The following LIMK2 variants were observed in gnomAD, a reference collection of about 807,000 sequenced individuals.
LIMK2 encodes the protein LIM domain kinase 2.
A neutral mutation model predicts 75.7 loss-of-function variants in LIMK2; 35 were observed. That is an observed-to-expected ratio of 0.46 (90% CI 0.35 to 0.61). The LOEUF (loss-of-function observed/expected upper bound fraction) is 0.61, where lower values mean the gene tolerates loss of function less well. Among genes scored for constraint, LIMK2 ranks in the 20% least tolerant of loss-of-function variants. The pLI, the probability that LIMK2 is intolerant of heterozygous loss-of-function variation, is 0.00. For missense variants in LIMK2, 623 were observed against 831.0 expected (o/e 0.75, Z 3.08); for synonymous variants, 301 against 319.2 (o/e 0.94, Z 0.61).
At chr22:31,278,238 C>T in intron 15 of LIMK2, 59 bp from the exon 16 acceptor site, 4 of 1,490,446 alleles carry the variant, frequency 2.7e-6, no homozygotes, top group South Asian at 1.2e-5. Context: ...ATCCCTTCCA[C>T]CCACCCCATG....
rs145305296 is a variant in LIMK2, at chr22:31,225,519, C to A, written c.17-201C>A. ...AGACTACTTTTGAGGCCATGAGTTCCTTGTCCCTGGAGAGATGAGCAGAGG... is the reference window on the plus strand; with the variant it reads ...AGACTACTTTTGAGGCCATGAGTTCATTGTCCCTGGAGAGATGAGCAGAGG... On this transcript the variant is annotated intron_variant, in intron 1 of 15. Transcript: ENST00000331728. Among the ~76,000 whole-genome samples the A allele has an allele frequency of 1.3e-3, 200 of 152,360 alleles. 1 individual carries two copies. The highest frequency in any genetic ancestry group is 0.012 in the South Asian group (58 of 4,828).
rs545620604 is a variant in LIMK2 at position 31,265,424 on chromosome 22, G to T, written c.855-522G>T. 7.8e-4 allele frequency among the ~76,000 whole-genome samples: 119 copies of T among 151,870 alleles called. 2 individuals are homozygous for T. Among genetic ancestry groups the T allele is most frequent in the Non-Finnish European group, 2.6e-4 (18 of 67,992 alleles). ...CTGGTGGCACATGCCTGTAGTCCCA[G>T]TTACTCAGGAGGCGGAGGCATGAGA... On this transcript the variant is annotated intron_variant, in intron 7 of 15. Transcript: ENST00000331728.
At chr22:31,265,605 AC>A (rs1450963469) in intron 7 of LIMK2, among the ~76,000 whole-genome samples, 1 of 152,174 alleles carries the variant, frequency 6.6e-6, no homozygotes, top group African/African-American at 2.4e-5. Context: ...ACCAGTTAGT[AC>A]TTAAATCAAG....
intron 1 of LIMK2, among the ~76,000 whole-genome samples, chr22:31,217,844 C>G (rs1026715852): frequency 2.0e-5 from 3 of 152,158 alleles, no homozygotes; most frequent in African/African-American, 7.2e-5. Flanking sequence ...TTTGCCTTGC[C>G]TGTAGCACCT....
At chr22:31,240,517 G>A (rs556155057) in intron 2 of LIMK2, among the ~76,000 whole-genome samples, 2 of 151,014 alleles carry the variant, frequency 1.3e-5, no homozygotes, top group East Asian at 2.0e-4. Context: ...TCCACCTTCC[G>A]GGTTCAAGTG....
chr22:31,257,040 A>ATTTTTTTTTTTT lies in LIMK2; in HGVS notation c.117-1228_117-1217dup, dbSNP rs529919320. 4.9e-4 allele frequency among the ~76,000 whole-genome samples: 37 copies of ATTTTTTTTTTTT among 75,072 alleles called. 1 individual carries two copies. The highest frequency in any genetic ancestry group is 8.8e-3 in the Middle Eastern group (1 of 114). 49.3% of individuals were successfully genotyped at this position (75,072 alleles called of 152,430 possible). The stretch of plus-strand genomic sequence containing the variant: ...TCATTAGGGGAGAAGGGAGCTATAG[A>ATTTTTTTTTTTT]TTTTTTTTTTTTTTTTTTTTTTTTT... On this transcript the variant is annotated intron_variant, in intron 2 of 15. Coordinates refer to ENST00000331728, the MANE Select transcript of LIMK2 (RefSeq NM_005569.4).
chr22:31,278,258 A>T (rs752797125), intron 15 of LIMK2, 39 bp from the exon 16 acceptor site: 1 of 1,581,378 alleles, frequency 6.3e-7, no homozygotes, highest in Non-Finnish European at 8.6e-7. Context: ...GGCCCTGCTC[A>T]TGTTCCACCT....
chr22:31,244,469 C>T (rs2048649081), intron 2 of LIMK2, among the ~76,000 whole-genome samples: 1 of 152,112 alleles, frequency 6.6e-6, no homozygotes, highest in African/African-American at 2.4e-5. Context: ...CTGGGCAGCC[C>T]TTTCAGTATC....
rs2048703417 is a variant in LIMK2, at chr22:31,249,437, C to T, written c.117-8854C>T. Reference sequence around the variant, plus strand: ...CTCCTCAGTCCCTAGGCCTAAGTACCTCCACGAGCCTCTCTCTGTGGGGCT... The same window carrying T: ...CTCCTCAGTCCCTAGGCCTAAGTACTTCCACGAGCCTCTCTCTGTGGGGCT... On this transcript the variant is annotated intron_variant, in intron 2 of 15. Transcript: ENST00000331728. Among the ~76,000 whole-genome samples, 4 of 152,116 alleles carry T rather than the reference C, an allele frequency of 2.6e-5. No individual in the cohort carries two copies. In the South Asian group the frequency reaches 6.2e-4, roughly 24 times the overall value.
chr22:31,237,611 C>G (rs2048590541), intron 2 of LIMK2, among the ~76,000 whole-genome samples: 1 of 151,278 alleles, frequency 6.6e-6, no homozygotes, highest in Non-Finnish European at 1.5e-5. Context: ...CTCCTTACAA[C>G]CTACCCTCAC....
At chr22:31,240,078 C>T (rs739428) in intron 2 of LIMK2, among the ~76,000 whole-genome samples, 35,000 of 152,022 alleles carry the variant, frequency 0.23, 6,162 homozygotes, top group African/African-American at 0.49. Context: ...TTCATTTTTC[C>T]CCCAAAAGCT....
chr22:31,255,162 T>C (rs1460100846), intron 2 of LIMK2, among the ~76,000 whole-genome samples: 1 of 152,130 alleles, frequency 6.6e-6, no homozygotes, highest in Non-Finnish European at 1.5e-5. Context: ...TTGTTTGTCC[T>C]CTTGTTTCAC....
At position 31,279,032 on chromosome 22, in the gene LIMK2, T is replaced by TA. The variant is rs1208423903; in HGVS notation, c.*592dup. ...ATATGTGGTGGAACAGGCCAGGAGTTAGAGAAAGGGCTGGCTTCTGTTTAC... is the reference window on the plus strand; with the variant it reads ...ATATGTGGTGGAACAGGCCAGGAGTTAAGAGAAAGGGCTGGCTTCTGTTTAC... On this transcript the variant is annotated 3_prime_UTR_variant, in exon 16 of 16. Transcript: ENST00000331728. The TA allele has an allele frequency of 6.6e-6, 1 of 152,162 alleles. No individual in the cohort carries two copies. Among genetic ancestry groups the TA allele is most frequent in the Non-Finnish European group, 1.5e-5 (1 of 68,034 alleles). 9.4% of individuals were successfully genotyped at this position (152,162 alleles called of 1,614,324 possible).
chr22:31,272,711 C>T lies in LIMK2; in HGVS notation c.1558+7C>T. Reference sequence around the variant, plus strand: ...GCCCCTGAGATGCTGAACGGTGAGTCCTGAAGCCCTGGAGGGGACACCCGC... The same window carrying T: ...GCCCCTGAGATGCTGAACGGTGAGTTCTGAAGCCCTGGAGGGGACACCCGC... On this transcript the variant is annotated splice_region_variant and intron_variant, in intron 13 of 15. Transcript: ENST00000331728. 1 of 1,587,948 alleles carries T rather than the reference C, an allele frequency of 6.3e-7. No individual in the cohort carries two copies. The highest frequency in any genetic ancestry group is 8.6e-7 in the Non-Finnish European group (1 of 1,167,246).
At chr22:31,230,005 C>T (rs1349552455) in intron 2 of LIMK2, 1 of 151,852 alleles carries the variant, frequency 6.6e-6, no homozygotes, top group Non-Finnish European at 1.5e-5. Context: ...TCCCAACAGG[C>T]CTCTTTTTTT....
chr22:31,220,955 ACT>A (rs2048428522), intron 1 of LIMK2, among the ~76,000 whole-genome samples: 1 of 151,778 alleles, frequency 6.6e-6, no homozygotes. Flanking sequence ...CAAAAGCAAA[ACT>A]CTGTTTCAAA....
At chr22:31,272,436 C>T (rs1601444867) in intron 12 of LIMK2, 94 bp from the exon 13 acceptor site, 1 of 1,193,038 alleles carries the variant, frequency 8.4e-7, no homozygotes, top group Non-Finnish European at 1.2e-6. Context: ...ACCTTTTCTC[C>T]CCTTCTCAGT....
chr22:31,271,118 C>T lies in LIMK2; in HGVS notation c.1318-18C>T, dbSNP rs574807480. 2.6e-5 allele frequency: 42 copies of T among 1,612,006 alleles called. No homozygotes were observed. In the South Asian group the frequency reaches 4.5e-4, roughly 17 times the overall value. ...TGATTTGCTGGCCCTGTAGCCTCAG[C>T]TCATGCTTCTGTTCCAGGCCTATTT... On this transcript the variant is annotated intron_variant, in intron 11 of 15. Coordinates refer to ENST00000331728, the MANE Select transcript of LIMK2 (RefSeq NM_005569.4).
intron 1 of LIMK2, among the ~76,000 whole-genome samples, chr22:31,220,632 C>T (rs1412005277): frequency 1.3e-5 from 2 of 152,168 alleles, no homozygotes; most frequent in African/African-American, 4.8e-5. Flanking sequence ...GAAACAAACA[C>T]TGCCTGATTT....
Sources: allele counts gnomAD v4.1 joint callset (sites outside exome capture counted in the v4.1 genomes callset), GRCh38; gene constraint gnomAD v4.1.1; transcripts MANE v1.5; gene names NCBI Gene and HGNC (gene_info 2026-07-23, HGNC 2026-07-21).